The following TUBD1 variants were observed in gnomAD, a reference collection of about 807,000 sequenced individuals.
The protein encoded by TUBD1 is tubulin delta 1, also known as tubulin delta chain.
Under a neutral mutation model 51.2 loss-of-function variants are expected in TUBD1, and 38 were observed. The observed-to-expected ratio is 0.74, with a 90% CI of 0.57 to 0.97. TUBD1 has a LOEUF of 0.97. TUBD1 is among the 50% of genes least tolerant of loss of function. TUBD1 has a pLI of 0.00. For missense variants in TUBD1, 489 were observed against 538.4 expected, an observed-to-expected ratio of 0.91 and a Z score of 0.91; for synonymous variants, 169 against 178.2, an observed-to-expected ratio of 0.95 and a Z score of 0.41.
intron 6 of TUBD1, among the ~76,000 whole-genome samples, chr17:59,868,108 CA>C (rs35401242): frequency 6.9e-3 from 185 of 26,798 alleles, no homozygotes; most frequent in East Asian, 9.1e-3. Flanking sequence ...ACTAAAAATA[CA>C]AAAAAAAAAA....
chr17:59,879,830 T>C (rs1598550618), intron 4 of TUBD1, among the ~76,000 whole-genome samples: 1 of 151,912 alleles, frequency 6.6e-6, no homozygotes, highest in Non-Finnish European at 1.5e-5. Flanking sequence ...CTCGGCTCAC[T>C]GGAACCTCTG....
chr17:59,891,028 C>A lies in TUBD1; in HGVS notation c.-26G>T. 6.3e-7 allele frequency: 1 copy of A among 1,581,018 alleles called. No homozygotes were observed. The highest frequency in any genetic ancestry group is 8.6e-7 in the Non-Finnish European group (1 of 1,165,522). ...GCTGAGCCACAAACTAGGTGTATTA[C>A]CTCTAAAAACAACCTGTAATCGAAA... On this transcript the variant is annotated 5_prime_UTR_variant, in exon 2 of 9. Coordinates refer to ENST00000325752, the MANE Select transcript of TUBD1 (RefSeq NM_016261.4).
intron 4 of TUBD1, among the ~76,000 whole-genome samples, chr17:59,880,024 A>AT (rs2040410439): frequency 6.6e-6 from 1 of 151,920 alleles, no homozygotes; most frequent in African/African-American, 2.4e-5. Context: ...AAGTGCTGGG[A>AT]TTACAGGTGT....
chr17:59,880,758 C>T (rs2144535768), intron 4 of TUBD1, 136 bp downstream of exon 4: 2 of 751,452 alleles, frequency 2.7e-6, no homozygotes, highest in South Asian at 3.4e-5. Flanking sequence ...TCACGATCCG[C>T]CCGCCTTGGC....
chr17:59,877,646 T>C (rs1231184357), intron 5 of TUBD1, among the ~76,000 whole-genome samples: 1 of 151,990 alleles, frequency 6.6e-6, no homozygotes, highest in African/African-American at 2.4e-5. Context: ...CACGTGCCTA[T>C]AGTGTAGTGT....
At chr17:59,870,681 G>A (rs750628992) in intron 6 of TUBD1, among the ~76,000 whole-genome samples, 3 of 152,262 alleles carry the variant, frequency 2.0e-5, no homozygotes, top group Middle Eastern at 3.4e-3. Flanking sequence ...TGGCAGCCAG[G>A]CTTATCATGC....
At chr17:59,885,463 G>C (rs2040679038) in intron 3 of TUBD1, 2 of 1,564,872 alleles carry the variant, frequency 1.3e-6, no homozygotes, top group Non-Finnish European at 8.8e-7. Context: ...CCAGCCCGTG[G>C]GACCAAAGCA....
chr17:59,866,183 G>A (rs2039691077), intron 7 of TUBD1, among the ~76,000 whole-genome samples: 1 of 148,822 alleles, frequency 6.7e-6, no homozygotes, highest in Non-Finnish European at 1.5e-5. Flanking sequence ...GAGGCAGCCA[G>A]ATGGTAAAGT....
chr17:59,882,941 C>A (rs567384567), intron 3 of TUBD1, among the ~76,000 whole-genome samples: 2 of 151,720 alleles, frequency 1.3e-5, no homozygotes, highest in Non-Finnish European at 2.9e-5. Flanking sequence ...CAGGCCGCCA[C>A]GCCCAGCTAA....
intron 6 of TUBD1, among the ~76,000 whole-genome samples, chr17:59,870,497 C>T (rs892791099): frequency 2.0e-5 from 3 of 151,508 alleles, no homozygotes; most frequent in South Asian, 2.1e-4. Flanking sequence ...AGGAGGAGTG[C>T]GCTCTTCCAC....
In TUBD1 at chr17:59,878,314, G is replaced by A. The variant is rs1001383511; in HGVS notation, c.558C>T (p.Asn186=). 5 of 1,613,276 alleles carry A rather than the reference G, an allele frequency of 3.1e-6. No homozygotes were observed. The highest frequency in any genetic ancestry group is 4.2e-6 in the Non-Finnish European group (5 of 1,179,406). The change falls in exon 5 of 9, where the codon AAC becomes AAT. Residue 186 remains asparagine, a synonymous_variant. Transcript: ENST00000325752. ...ACAAGTGAGAAAGTGTCAAAATGGA[G>A]TTGTAGTTTTGAACAATAACCTGGA... ...GTGEVIVQNY[N]SILTLSHLYR...
intron 3 of TUBD1, among the ~76,000 whole-genome samples, chr17:59,881,989 T>C (rs1252730703): frequency 6.6e-6 from 1 of 152,172 alleles, no homozygotes; most frequent in African/African-American, 2.4e-5. Flanking sequence ...TTTTGATATA[T>C]ACAATAAATT....
chr17:59,885,993 G>T (rs2040702957), intron 3 of TUBD1, 90 bp downstream of exon 3: 2 of 1,341,800 alleles, frequency 1.5e-6, no homozygotes, highest in Admixed American at 2.3e-5. Context: ...TTATGTGCTT[G>T]GTATATCAAC....
chr17:59,873,446 T>G (rs972831365), intron 6 of TUBD1, among the ~76,000 whole-genome samples: 3 of 152,206 alleles, frequency 2.0e-5, no homozygotes, highest in African/African-American at 7.2e-5. Flanking sequence ...AGATGGGGTT[T>G]TGCCATGTTG....
chr17:59,873,261 T>TG (rs1568298984), intron 6 of TUBD1, among the ~76,000 whole-genome samples: 8 of 151,844 alleles, frequency 5.3e-5, no homozygotes, highest in South Asian at 2.1e-4. Context: ...GTTGTTGTTT[T>TG]TTTTTTGAGA....
chr17:59,863,008 G>A (rs926554688), intron 8 of TUBD1, among the ~76,000 whole-genome samples: 1 of 152,066 alleles, frequency 6.6e-6, no homozygotes, highest in Admixed American at 6.6e-5. Flanking sequence ...TTACAGGTGT[G>A]AGCCACCATG....
At chr17:59,888,574 T>G (rs1452246582) in intron 2 of TUBD1, among the ~76,000 whole-genome samples, 1 of 151,936 alleles carries the variant, frequency 6.6e-6, no homozygotes, top group South Asian at 2.1e-4. Context: ...GGGCTAGAGG[T>G]CTGAAAGTCA....
At chr17:59,885,339 T>C in intron 3 of TUBD1, 1 of 676,920 alleles carries the variant, frequency 1.5e-6, no homozygotes, top group Non-Finnish European at 2.7e-6. Context: ...TAGACATGTA[T>C]ACCAGGAATA....
At chr17:59,877,006 C>T (rs1003463002) in intron 5 of TUBD1, among the ~76,000 whole-genome samples, 3 of 151,736 alleles carry the variant, frequency 2.0e-5, no homozygotes, top group African/African-American at 7.3e-5. Flanking sequence ...ATTACAGGTA[C>T]CCACCACCAT....
Sources: gnomAD v4.1 joint callset for allele counts (sites outside exome capture counted in the v4.1 genomes callset) on GRCh38, gnomAD v4.1.1 for gene constraint, MANE v1.5 for transcripts, NCBI Gene and HGNC (gene_info 2026-07-23, HGNC 2026-07-21) for gene names.